The following USP24 variants were observed in gnomAD, a reference collection of about 807,000 sequenced individuals.
USP24 encodes the protein ubiquitin carboxyl-terminal hydrolase 24.
In USP24, 97 loss-of-function variants were observed where a neutral mutation model predicts 361.6. The observed-to-expected ratio is 0.27, with a 90% CI of 0.23 to 0.32. The LOEUF (loss-of-function observed/expected upper bound fraction) is 0.32. USP24 is among the 10% of genes least tolerant of loss of function. USP24 has a pLI of 1.00. For missense variants in USP24, 2,353 were observed against 3,165.6 expected (o/e 0.74, Z 6.16); for synonymous variants, 1,098 against 1,124.6 (o/e 0.98, Z 0.47).
At position 55,124,488 on chromosome 1, in the gene USP24, T is replaced by C. The variant is rs748100781; in HGVS notation, c.4101A>G (p.Arg1367=). ...ESNSLCPAGI[R]NRLSSSGSNC... is the part of the protein sequence containing the mutation. ...CAGTACCTGAACTGCTGAGTCTGTTTCGAATTCCAGCAGGACACAGGGAAT... is the reference window on the plus strand; with the variant it reads ...CAGTACCTGAACTGCTGAGTCTGTTCCGAATTCCAGCAGGACACAGGGAAT... The change falls in exon 35 of 68, where the codon CGA becomes CGG. Residue 1367 remains arginine (R), a synonymous_variant. Transcript: ENST00000294383. 1 of 1,612,586 alleles carries C rather than the reference T, an allele frequency of 6.2e-7. No homozygotes were observed. The highest frequency in any genetic ancestry group is 8.5e-7 in the Non-Finnish European group (1 of 1,179,254).
In USP24 at chr1:55,147,748, C is replaced by T. The variant is rs757515164; in HGVS notation, c.2019G>A (p.Thr673=). ...KKNFEIVKLV[T]GSLIACHRLA... is the part of the protein sequence containing the mutation. ...GCCGATGACAAGCGATCAAACTTCC[C>T]GTTACCAATTTCACTATTTCAAAAT... Residue 673 remains threonine (T), a synonymous_variant, in exon 18 of 68, where the codon ACG becomes ACA. Transcript: ENST00000294383. 26 of 1,612,684 alleles carry T rather than the reference C, an allele frequency of 1.6e-5. No individual in the cohort carries two copies. Among genetic ancestry groups the T allele is most frequent in the African/African-American group, 5.3e-5 (4 of 74,910 alleles).
In USP24 at chr1:55,083,314, G is replaced by A. The variant is rs374041079; in HGVS notation, c.6933C>T (p.His2311=). The change falls in exon 58 of 68, where the codon CAC becomes CAT. Residue 2311 remains histidine, a synonymous_variant. Coordinates refer to ENST00000294383, the MANE Select transcript of USP24 (RefSeq NM_015306.3). Reference sequence around the variant, plus strand: ...TGGCCCCTAGGAGGAAGCTGATCATGTGCCGCAGAGCTGAATGCCTCAGAA... The same window carrying A: ...TGGCCCCTAGGAGGAAGCTGATCATATGCCGCAGAGCTGAATGCCTCAGAA... The part of the protein sequence containing the change: ...DLLLRHSALR[H]MISFLLGASR... The A allele has an allele frequency of 2.5e-6, 4 of 1,613,672 alleles. No individual in the cohort carries two copies. The highest frequency in any genetic ancestry group is 2.7e-5 in the African/African-American group (2 of 74,912).
intron 42 of USP24, among the ~76,000 whole-genome samples, chr1:55,103,097 G>A (rs1645680334): frequency 1.3e-5 from 2 of 152,170 alleles, no homozygotes; most frequent in South Asian, 2.1e-4. Flanking sequence ...TTTCTAGTCT[G>A]TATTCCAGTG....
rs760050450 is a variant in USP24 at position 55,172,518 on chromosome 1, G to A, written c.561C>T (p.Leu187=). The change falls in exon 4 of 68, where the codon CTC becomes CTT. Residue 187 remains leucine (L), a splice_region_variant and synonymous_variant. Coordinates refer to ENST00000294383, the MANE Select transcript of USP24 (RefSeq NM_015306.3). ...ACTTGTGAACAGCACTTGATGTCAG[G>A]AGCTATAAAAACATAAAGGGCAATC... is the stretch of plus-strand genomic sequence containing the variant. ...DRCMPEAFKK[L]LTSSAVHKWG... The A allele has an allele frequency of 3.7e-6, 6 of 1,608,490 alleles. No individual in the cohort carries two copies. The highest frequency in any genetic ancestry group is 2.2e-5 in the East Asian group (1 of 44,640).
In USP24 at chr1:55,125,403, A is replaced by C. The variant is rs1393480209; in HGVS notation, c.3877T>G (p.Ser1293Ala). 5 of 1,613,922 alleles carry C rather than the reference A, an allele frequency of 3.1e-6. No homozygotes were observed. Among genetic ancestry groups the C allele is most frequent in the Admixed American group, 1.7e-5 (1 of 60,014 alleles). Residue 1293 changes from serine (S) to alanine (A), a missense_variant, in exon 34 of 68, where the codon TCA (serine) becomes GCA (alanine). Ser to Ala is a moderately conservative substitution (Grantham distance 99). Coordinates refer to ENST00000294383, the MANE Select transcript of USP24 (RefSeq NM_015306.3). Reference protein sequence around the residue: ...QMSLCGTPEKSSYRQLSVSDR... With the variant: ...QMSLCGTPEKASYRQLSVSDR... ...GACACGGACAACTGTCGGTAGGATGACTTTTCTGGGGTACCACATAAGGAC... is the reference window on the plus strand; with the variant it reads ...GACACGGACAACTGTCGGTAGGATGCCTTTTCTGGGGTACCACATAAGGAC...
chr1:55,087,150 T>C (rs1645269182), intron 55 of USP24, among the ~76,000 whole-genome samples: 2 of 152,110 alleles, frequency 1.3e-5, no homozygotes, highest in Non-Finnish European at 2.9e-5. Context: ...GTTGCAAAAA[T>C]GACAACCTAT....
chr1:55,090,271 A>G (rs2100464056), intron 54 of USP24, among the ~76,000 whole-genome samples: 1 of 152,294 alleles, frequency 6.6e-6, no homozygotes, highest in Admixed American at 6.5e-5. Context: ...CAATGTCCCA[A>G]AATGATCATT....
At position 55,214,969 on chromosome 1, in the gene USP24, C is replaced by T; in HGVS notation, c.145G>A (p.Asp49Asn). 2 of 1,435,860 alleles carry T rather than the reference C, an allele frequency of 1.4e-6. No individual in the cohort carries two copies. The highest frequency in any genetic ancestry group is 2.4e-5 in the Admixed American group (1 of 41,232). The allele number at this position is 1,435,860 out of a possible 1,614,324, so 88.9% of individuals were successfully genotyped here. The change falls in exon 1 of 68, where the codon GAC (aspartate) becomes AAC (asparagine). Residue 49 changes from aspartate to asparagine, a missense_variant. Physicochemically the swap from Asp to Asn is conservative, Grantham distance 23. Transcript: ENST00000294383. ...ALLTNERPGL[D>N]YGGYEPMDSG... is the part of the protein sequence containing the mutation. The stretch of plus-strand genomic sequence containing the variant: ...TCCATGGGCTCGTAGCCGCCGTAGT[C>T]GAGGCCCGGCCGCTCGTTGGTGAGC...
Position 55,138,609 on chromosome 1 carries a change from T to C in USP24, c.2927A>G (p.Glu976Gly), listed in dbSNP as rs1223361998. The C allele has an allele frequency of 3.7e-6, 6 of 1,604,532 alleles. No homozygotes were observed. The highest frequency in any genetic ancestry group is 5.1e-6 in the Non-Finnish European group (6 of 1,173,268). ...YESTKDTFTV[E>G]AHSNETIGSV... Reference sequence around the variant, plus strand: ...CTGTAGTTCTTAATGTAAACCTACCTCGACAGTGAAGGTATCTTTGGTAGA... The same window carrying C: ...CTGTAGTTCTTAATGTAAACCTACCCCGACAGTGAAGGTATCTTTGGTAGA... Residue 976 changes from glutamate to glycine, a missense_variant and splice_region_variant, in exon 26 of 68, where the codon GAG (glutamate) becomes GGG (glycine). Physicochemically the swap from Glu to Gly is moderately conservative, Grantham distance 98. Coordinates refer to ENST00000294383, the MANE Select transcript of USP24 (RefSeq NM_015306.3).
At chr1:55,148,379 A>T (rs1231568565) in intron 17 of USP24, 84 bp downstream of exon 17, 27 of 1,013,012 alleles carry the variant, frequency 2.7e-5, no homozygotes, top group African/African-American at 6.6e-5. Context: ...GATAGTGACT[A>T]TAAACTCAGC....
At chr1:55,074,547 T>TC (rs1186345317) in intron 63 of USP24, among the ~76,000 whole-genome samples, 1 of 151,942 alleles carries the variant, frequency 6.6e-6, no homozygotes, top group African/African-American at 2.4e-5. Flanking sequence ...GGTGGGAGGA[T>TC]CACTTGAGCT....
intron 55 of USP24, among the ~76,000 whole-genome samples, chr1:55,088,476 G>A (rs1645300572): frequency 6.6e-6 from 1 of 152,162 alleles, no homozygotes; most frequent in Non-Finnish European, 1.5e-5. Context: ...TCCTTGAGAA[G>A]GTGTGCACAT....
intron 38 of USP24, among the ~76,000 whole-genome samples, chr1:55,119,592 T>C (rs1646220715): frequency 9.9e-5 from 15 of 152,106 alleles, no homozygotes; most frequent in Admixed American, 9.8e-4. Context: ...AAAAAAAATT[T>C]GGCAATTCAA....
At chr1:55,152,041 T>A (rs1647211934) in intron 16 of USP24, 9 of 966,650 alleles carry the variant, frequency 9.3e-6, no homozygotes, top group Non-Finnish European at 1.1e-5. Flanking sequence ...CCCCCCTGCC[T>A]GGAGCCATAT....
intron 44 of USP24, among the ~76,000 whole-genome samples, chr1:55,100,533 T>G (rs926076290): frequency 1.3e-5 from 2 of 151,838 alleles, no homozygotes; most frequent in African/African-American, 4.8e-5. Flanking sequence ...TTAAAGACAT[T>G]AGTGAAATCG....
chr1:55,108,332 G>T (rs773044594), intron 39 of USP24, among the ~76,000 whole-genome samples: 8 of 152,158 alleles, frequency 5.3e-5, no homozygotes, highest in Non-Finnish European at 1.2e-4. Context: ...GACTTGGGAG[G>T]GGAGGAAGAG....
intron 38 of USP24, among the ~76,000 whole-genome samples, chr1:55,118,604 G>A (rs1646189154): frequency 6.6e-6 from 1 of 152,060 alleles, no homozygotes. Flanking sequence ...TACATACACA[G>A]GACACCATCA....
In USP24 at chr1:55,171,537, G is replaced by A. The variant is rs773812872; in HGVS notation, c.825+19C>T. The A allele has an allele frequency of 1.1e-5, 17 of 1,591,894 alleles. No homozygotes were observed. Among genetic ancestry groups the A allele is most frequent in the Non-Finnish European group, 1.5e-5 (17 of 1,169,770 alleles). On this transcript the variant is annotated intron_variant, in intron 5 of 67. Coordinates refer to ENST00000294383, the MANE Select transcript of USP24 (RefSeq NM_015306.3). The stretch of plus-strand genomic sequence containing the variant: ...TCAATACATTTTTCTATAAAAAGAT[G>A]AAACTAAATGATGTTTACCTTTTGG...
chr1:55,150,906 A>T (rs951959806), intron 16 of USP24, among the ~76,000 whole-genome samples: 1 of 152,208 alleles, frequency 6.6e-6, no homozygotes. Context: ...ACCTGATGGG[A>T]TGTCTAAATT....
Sources: allele counts gnomAD v4.1 joint callset (sites outside exome capture counted in the v4.1 genomes callset), GRCh38; gene constraint gnomAD v4.1.1; transcripts MANE v1.5; gene names NCBI Gene and HGNC (gene_info 2026-07-23, HGNC 2026-07-21).